PEAK1: variants seen among roughly 807,000 people sequenced by gnomAD.
PEAK1 encodes the protein pseudopodium enriched atypical kinase 1, also known as inactive tyrosine-protein kinase PEAK1.
Under a neutral mutation model 124.7 loss-of-function variants are expected in PEAK1, and 54 were observed. The observed-to-expected ratio is 0.43, with a 90% CI of 0.35 to 0.54. The LOEUF is 0.54. PEAK1 is among the 20% of genes least tolerant of loss of function. The pLI is 0.01. For synonymous variants in PEAK1, 719 were observed against 760.0 expected (o/e 0.95, Z 0.89); for missense variants, 2,046 against 2,134.5 (o/e 0.96, Z 0.82).
chr15:77,330,021 A>G (rs956597679), intron 2 of PEAK1, among the ~76,000 whole-genome samples: 2 of 152,186 alleles, frequency 1.3e-5, no homozygotes, highest in East Asian at 1.9e-4. Flanking sequence ...AAAAGAAAAA[A>G]AAATTCTTAA....
chr15:77,248,215 G>C (rs1461327568), intron 6 of PEAK1, among the ~76,000 whole-genome samples: 1 of 152,032 alleles, frequency 6.6e-6, no homozygotes, highest in African/African-American at 2.4e-5. Flanking sequence ...ATTTTCTCAA[G>C]TGAGCTTTGG....
At chr15:77,172,200 G>A (rs1249438618) in intron 7 of PEAK1, among the ~76,000 whole-genome samples, 1 of 152,000 alleles carries the variant, frequency 6.6e-6, no homozygotes, top group Non-Finnish European at 1.5e-5. Context: ...CAGTTTGAAT[G>A]GATTTTACTC....
intron 6 of PEAK1, among the ~76,000 whole-genome samples, chr15:77,235,724 T>C (rs987088364): frequency 1.3e-5 from 2 of 152,154 alleles, no homozygotes; most frequent in Non-Finnish European, 2.9e-5. Context: ...CGTCAGACCT[T>C]CAAGGCAGCC....
intron 2 of PEAK1, chr15:77,347,548 A>T: frequency 1.0e-6 from 1 of 985,400 alleles, no homozygotes; most frequent in Non-Finnish European, 1.2e-6. Context: ...ATGAACTCCA[A>T]TCACAAAGGA....
chr15:77,275,868 G>GA (rs1384096438), intron 5 of PEAK1, among the ~76,000 whole-genome samples: 22 of 151,802 alleles, frequency 1.4e-4, no homozygotes, highest in Admixed American at 1.3e-3. Flanking sequence ...GGAAACAAAT[G>GA]AAAAAAACAG....
At chr15:77,331,021 C>T (rs76720366) in intron 2 of PEAK1, 1 of 904,392 alleles carries the variant, frequency 1.1e-6, no homozygotes, top group East Asian at 1.2e-4. Flanking sequence ...TTACACTCAA[C>T]TTTTGTCATT....
At chr15:77,102,160 T>G (rs926723500) in exon 7 of PEAK1, 1 of 152,232 alleles carries the variant, frequency 6.6e-6, no homozygotes, top group Non-Finnish European at 1.5e-5. Flanking sequence ...GTTAAAATTT[T>G]TTTTTAGATA....
chr15:77,316,213 GGTTTA>G (rs2064862145), intron 2 of PEAK1, among the ~76,000 whole-genome samples: 1 of 151,992 alleles, frequency 6.6e-6, no homozygotes, highest in East Asian at 1.9e-4. Context: ...ATACCCAACA[GGTTTA>G]GTTTTTCTAT....
At position 77,114,396 on chromosome 15, in the gene PEAK1, G is replaced by C. The variant is rs769871070; in HGVS notation, c.5001C>G (p.Leu1667=). The change falls in exon 10 of 10, where the codon CTC becomes CTG. Residue 1667 remains leucine, a synonymous_variant. Coordinates refer to ENST00000682557, the MANE Select transcript of PEAK1 (RefSeq NM_001385026.1). ...SDAKGILQCL[L]WGPREDLFQT... is the part of the protein sequence containing the mutation. ...GGAAGAGATCTTCGCGGGGGCCCCA[G>C]AGCAGACACTGGAGGATGCCTTTGG... 1.2e-6 allele frequency: 2 copies of C among 1,614,108 alleles called. No homozygotes were observed. The highest frequency in any genetic ancestry group is 1.7e-6 in the Non-Finnish European group (2 of 1,180,050).
At chr15:77,223,771 G>C (rs1448205001) in intron 6 of PEAK1, among the ~76,000 whole-genome samples, 1 of 151,830 alleles carries the variant, frequency 6.6e-6, no homozygotes, top group Admixed American at 6.6e-5. Context: ...ATCACTGTTG[G>C]ATCCCTCTCT....
Position 77,380,519 on chromosome 15 carries a change from C to T in PEAK1, c.-665-15294G>A, listed in dbSNP as rs78973118. 4.0e-3 allele frequency among the ~76,000 whole-genome samples: 609 copies of T among 152,260 alleles called. 2 individuals are homozygous for T. Among genetic ancestry groups the T allele is most frequent in the Non-Finnish European group, 5.8e-3 (394 of 68,018 alleles). On this transcript the variant is annotated intron_variant, in intron 1 of 9. Coordinates refer to ENST00000682557, the MANE Select transcript of PEAK1 (RefSeq NM_001385026.1). ...TTTGAGACAGGTTCTTACTCTGCTA[C>T]CCAGCCTAGAATGCAATGGCACGAT...
chr15:77,128,526 G>C (rs1260989323), intron 9 of PEAK1, among the ~76,000 whole-genome samples: 1 of 152,218 alleles, frequency 6.6e-6, no homozygotes, highest in Non-Finnish European at 1.5e-5. Context: ...CCACTATGCA[G>C]AGCCATGGTG....
intron 1 of PEAK1, chr15:77,402,359 CCTT>C (rs948361645): frequency 2.1e-5 from 21 of 985,118 alleles, no homozygotes; most frequent in Admixed American, 1.2e-4. Context: ...GAGGCAAGTT[CCTT>C]CTTCTCCTCT....
At chr15:77,121,430 A>G (rs912814062) in intron 9 of PEAK1, among the ~76,000 whole-genome samples, 1 of 152,192 alleles carries the variant, frequency 6.6e-6, no homozygotes, top group African/African-American at 2.4e-5. Flanking sequence ...GAAACAGATA[A>G]AAGTTGGCAA....
rs146491723 is a variant in PEAK1, at chr15:77,284,570, T to C, written c.-423+388A>G. Reference sequence around the variant, plus strand: ...GTGAATTTAAAATCTCTCTTCACCATAGGATCATGTAACCTAAATTACTTT... The same window carrying C: ...GTGAATTTAAAATCTCTCTTCACCACAGGATCATGTAACCTAAATTACTTT... On this transcript the variant is annotated intron_variant, in intron 4 of 9. Transcript: ENST00000682557. Among the ~76,000 whole-genome samples the C allele has an allele frequency of 5.2e-3, 798 of 152,290 alleles. 14 individuals are homozygous for C. Among genetic ancestry groups the C allele is most frequent in the African/African-American group, 0.018 (728 of 41,554 alleles).
intron 7 of PEAK1, among the ~76,000 whole-genome samples, chr15:77,176,776 T>C (rs1313339748): frequency 2.0e-5 from 3 of 151,408 alleles, no homozygotes; most frequent in African/African-American, 7.3e-5. Context: ...AAGGAGAGAG[T>C]CTCTTTCCAC....
chr15:77,288,439 T>A (rs968256334), intron 2 of PEAK1, among the ~76,000 whole-genome samples: 1 of 152,126 alleles, frequency 6.6e-6, no homozygotes, highest in Non-Finnish European at 1.5e-5. Context: ...ACCACCAAGC[T>A]CACATATCAT....
chr15:77,332,313 T>G, intron 2 of PEAK1: 3 of 983,324 alleles, frequency 3.1e-6, no homozygotes, highest in Non-Finnish European at 3.6e-6. Context: ...GTTGAAAAAT[T>G]TTTTGGCCGG....
intron 7 of PEAK1, among the ~76,000 whole-genome samples, chr15:77,172,017 C>T (rs184711014): frequency 4.0e-5 from 6 of 151,864 alleles, no homozygotes; most frequent in South Asian, 2.1e-4. Context: ...GATTCATAAG[C>T]GGAAAAAGGA....
Sources: gnomAD v4.1 joint callset for allele counts (sites outside exome capture counted in the v4.1 genomes callset) on GRCh38, gnomAD v4.1.1 for gene constraint, MANE v1.5 for transcripts, NCBI Gene and HGNC (gene_info 2026-07-23, HGNC 2026-07-21) for gene names.